BMPR1B: variants seen among roughly 807,000 people sequenced by gnomAD.
The protein encoded by BMPR1B is bone morphogenetic protein receptor type-1B.
In BMPR1B, 12 loss-of-function variants were observed where a neutral mutation model predicts 59.1. The observed-to-expected ratio is 0.20, with a 90% CI of 0.13 to 0.33. The LOEUF (loss-of-function observed/expected upper bound fraction) is 0.33, where lower values mean the gene tolerates loss of function less well. Ranked by LOEUF, BMPR1B falls within the 10% of genes least tolerant of loss-of-function variation. The pLI, the probability that BMPR1B is intolerant of heterozygous loss-of-function variation, is 1.00. For synonymous variants in BMPR1B, 237 were observed against 207.3 expected (o/e 1.14, Z -1.23); for missense variants, 550 against 610.9 (o/e 0.90, Z 1.05).
chr4:94,811,051 C>T (rs551958689), intron 1 of BMPR1B, among the ~76,000 whole-genome samples: 2 of 152,230 alleles, frequency 1.3e-5, no homozygotes, highest in East Asian at 1.9e-4. Flanking sequence ...TTAGTGTTCT[C>T]ATATTAATTT....
In BMPR1B at chr4:95,098,522, A is replaced by G. The variant is rs766101435; in HGVS notation, c.-17-5886A>G. Among the ~76,000 whole-genome samples the G allele has an allele frequency of 2.2e-4, 34 of 151,746 alleles. 1 individual carries two copies. The highest frequency in any genetic ancestry group is 3.1e-4 in the Non-Finnish European group (21 of 67,934). On this transcript the variant is annotated intron_variant, in intron 3 of 12. Coordinates refer to ENST00000515059, the MANE Select transcript of BMPR1B (RefSeq NM_001203.3). ...TCTCAAATGTGGAGTACACATGAAGATCTTTTTTTTTGTGGCTTTTATTTT... is the reference window on the plus strand; with the variant it reads ...TCTCAAATGTGGAGTACACATGAAGGTCTTTTTTTTTGTGGCTTTTATTTT...
intron 1 of BMPR1B, among the ~76,000 whole-genome samples, chr4:94,799,798 C>G (rs1211374628): frequency 7.2e-5 from 11 of 151,904 alleles, no homozygotes; most frequent in Admixed American, 6.6e-4. Context: ...TCAAGTGATT[C>G]TCCTGCCTCA....
chr4:95,141,886 A>T (rs1435830592), intron 10 of BMPR1B, among the ~76,000 whole-genome samples: 1 of 152,198 alleles, frequency 6.6e-6, no homozygotes, highest in Non-Finnish European at 1.5e-5. Context: ...TACAAAAGAG[A>T]TAGGGTAGCT....
intron 2 of BMPR1B, among the ~76,000 whole-genome samples, chr4:94,962,967 A>C (rs1049090461): frequency 2.6e-5 from 4 of 152,150 alleles, no homozygotes; most frequent in African/African-American, 9.7e-5. Flanking sequence ...CTTGCTCCAC[A>C]TTCTCACCAG....
At chr4:95,115,240 C>T (rs1349731153) in intron 5 of BMPR1B, among the ~76,000 whole-genome samples, 1 of 152,202 alleles carries the variant, frequency 6.6e-6, no homozygotes, top group East Asian at 1.9e-4. Flanking sequence ...ACATTTCTCA[C>T]AACATATCCC....
chr4:94,810,099 G>A (rs1301883392), intron 1 of BMPR1B, among the ~76,000 whole-genome samples: 1 of 152,180 alleles, frequency 6.6e-6, no homozygotes, highest in Non-Finnish European at 1.5e-5. Flanking sequence ...GGAGCAAGGA[G>A]AGAGAATTAT....
chr4:95,138,783 C>T (rs1733996858), intron 10 of BMPR1B, among the ~76,000 whole-genome samples: 1 of 152,144 alleles, frequency 6.6e-6, no homozygotes, highest in East Asian at 1.9e-4. Context: ...CTTCTCCATG[C>T]TGTTTATTCT....
chr4:94,935,258 A>G (rs890299010), intron 2 of BMPR1B, among the ~76,000 whole-genome samples: 1 of 152,152 alleles, frequency 6.6e-6, no homozygotes, highest in Non-Finnish European at 1.5e-5. Flanking sequence ...TAGCCTGTCA[A>G]TTTATGGAAT....
chr4:94,927,568 G>C (rs115029718), intron 2 of BMPR1B, among the ~76,000 whole-genome samples: 1 of 152,118 alleles, frequency 6.6e-6, no homozygotes, highest in Non-Finnish European at 1.5e-5. Flanking sequence ...AGGACATTCA[G>C]TTGGCAGAAA....
At chr4:95,053,763 G>C (rs1235977662) in intron 3 of BMPR1B, among the ~76,000 whole-genome samples, 1 of 151,916 alleles carries the variant, frequency 6.6e-6, no homozygotes, top group African/African-American at 2.4e-5. Flanking sequence ...TTTTGTTGAG[G>C]AATTACTCTC....
chr4:94,781,235 A>T (rs10033997), intron 1 of BMPR1B, among the ~76,000 whole-genome samples: 83,119 of 151,078 alleles, frequency 0.55, 22,949 homozygotes, highest in Middle Eastern at 0.71. Context: ...ATGTCTCATA[A>T]CAGATATATG....
chr4:94,922,276 A>T (rs759855295), intron 2 of BMPR1B, among the ~76,000 whole-genome samples: 1 of 152,036 alleles, frequency 6.6e-6, no homozygotes, highest in African/African-American at 2.4e-5. Flanking sequence ...TGCCTGGCCT[A>T]GCACTTTTCT....
intron 2 of BMPR1B, among the ~76,000 whole-genome samples, chr4:94,889,482 G>A (rs765899484): frequency 2.0e-5 from 3 of 152,088 alleles, no homozygotes; most frequent in Non-Finnish European, 2.9e-5. Context: ...GCTCATGCAT[G>A]TTCTCTCTGT....
chr4:95,064,572 C>T lies in BMPR1B; in HGVS notation c.-17-39836C>T, dbSNP rs540995848. On this transcript the variant is annotated intron_variant, in intron 3 of 12. Coordinates refer to ENST00000515059, the MANE Select transcript of BMPR1B (RefSeq NM_001203.3). ...GACTGAGGACTGCTGTTTTAGAGCA[C>T]GTCGCCAAGAAAGTGAAAAGACAGT... Among the ~76,000 whole-genome samples, 16 of 152,074 alleles carry T rather than the reference C, an allele frequency of 1.1e-4. No homozygotes were observed. In the South Asian group the frequency reaches 1.5e-3, roughly 14 times the overall value.
intron 2 of BMPR1B, among the ~76,000 whole-genome samples, chr4:94,994,305 A>G (rs143081300): frequency 1.4e-4 from 21 of 152,290 alleles, no homozygotes; most frequent in African/African-American, 3.6e-4. Flanking sequence ...AGAAAGATCT[A>G]TTTGAAGTTC....
chr4:94,811,178 A>G (rs1723798357), intron 1 of BMPR1B, among the ~76,000 whole-genome samples: 1 of 152,218 alleles, frequency 6.6e-6, no homozygotes, highest in Non-Finnish European at 1.5e-5. Context: ...TTTATTTCTC[A>G]TTGACATAAA....
At chr4:95,030,961 A>G (rs1273264188) in intron 3 of BMPR1B, among the ~76,000 whole-genome samples, 1 of 151,968 alleles carries the variant, frequency 6.6e-6, no homozygotes, top group Non-Finnish European at 1.5e-5. Context: ...TAATTTATAG[A>G]TTCAATGCCA....
At chr4:95,088,473 G>A (rs927539085) in intron 3 of BMPR1B, among the ~76,000 whole-genome samples, 6 of 152,120 alleles carry the variant, frequency 3.9e-5, no homozygotes, top group African/African-American at 9.7e-5. Context: ...AAAGTGCCAT[G>A]TTCTAAGACT....
At chr4:94,972,388 T>C (rs1400885215) in intron 2 of BMPR1B, among the ~76,000 whole-genome samples, 1 of 152,128 alleles carries the variant, frequency 6.6e-6, no homozygotes, top group Non-Finnish European at 1.5e-5. Context: ...AAGGGAAAAA[T>C]GAAATATTCA....
Sources: gnomAD v4.1 joint callset for allele counts (sites outside exome capture counted in the v4.1 genomes callset) on GRCh38, gnomAD v4.1.1 for gene constraint, MANE v1.5 for transcripts, NCBI Gene and HGNC (gene_info 2026-07-23, HGNC 2026-07-21) for gene names.